Variants in SNX29 observed in about 807,000 individuals in gnomAD.
SNX29 encodes the protein sorting nexin 29.
Under a neutral mutation model 102.1 loss-of-function variants are expected in SNX29, and 78 were observed. That is an observed-to-expected ratio of 0.76 (90% CI 0.64 to 0.92). The LOEUF is 0.92. Among genes scored for constraint, SNX29 ranks in the 40% least tolerant of loss-of-function variants. The probability of loss-of-function intolerance (pLI) is 0.00; values close to 1 mark genes in which losing one functional copy is unlikely to be tolerated. For synonymous variants in SNX29, 580 were observed against 414.5 expected (o/e 1.40, Z -4.85); for missense variants, 1,280 against 1,061.7 (o/e 1.21, Z -2.86).
intron 14 of SNX29, among the ~76,000 whole-genome samples, chr16:12,219,954 A>G (rs903788798): frequency 9.2e-5 from 14 of 152,122 alleles, no homozygotes; most frequent in Non-Finnish European, 1.8e-4. Flanking sequence ...ACGTGCACGC[A>G]CACACACCCC....
intron 14 of SNX29, among the ~76,000 whole-genome samples, chr16:12,254,050 A>C (rs2078497488): frequency 6.6e-6 from 1 of 152,162 alleles, no homozygotes; most frequent in Non-Finnish European, 1.5e-5. Context: ...TGTCCTGAGC[A>C]GCCAGAAGGA....
At chr16:12,345,410 G>T (rs981147045) in intron 15 of SNX29, among the ~76,000 whole-genome samples, 1 of 152,162 alleles carries the variant, frequency 6.6e-6, no homozygotes, top group Non-Finnish European at 1.5e-5. Context: ...GGTTGTGCAG[G>T]TTGTACACTG....
At chr16:12,302,296 C>T (rs1172380253) in intron 15 of SNX29, among the ~76,000 whole-genome samples, 5 of 152,198 alleles carry the variant, frequency 3.3e-5, no homozygotes, top group African/African-American at 1.2e-4. Context: ...AAGTCAGTTT[C>T]TACAGTTACA....
intron 3 of SNX29, among the ~76,000 whole-genome samples, chr16:12,027,040 C>T (rs1243486369): frequency 6.6e-6 from 1 of 152,194 alleles, no homozygotes; most frequent in Non-Finnish European, 1.5e-5. Flanking sequence ...AGCTGGCACC[C>T]GTCCCTGTTC....
chr16:12,078,050 C>G (rs1012184180), intron 10 of SNX29, among the ~76,000 whole-genome samples: 3 of 152,198 alleles, frequency 2.0e-5, no homozygotes, highest in Non-Finnish European at 4.4e-5. Context: ...GCACTGTAAG[C>G]CATGCCTGAA....
rs149854764 is a variant in SNX29 at position 12,249,747 on chromosome 16, A to T, written c.1679-28186A>T. On this transcript the variant is annotated intron_variant, in intron 14 of 20. Coordinates refer to ENST00000566228, the MANE Select transcript of SNX29 (RefSeq NM_032167.5). ...GAATTAGGTGAATAATACATGTAAAAGTTCTTAGACTACTTCTTGGTGCAT... is the reference window on the plus strand; with the variant it reads ...GAATTAGGTGAATAATACATGTAAATGTTCTTAGACTACTTCTTGGTGCAT... Among the ~76,000 whole-genome samples, 629 of 152,294 alleles carry T rather than the reference A, an allele frequency of 4.1e-3. 3 individuals are homozygous for T. The highest frequency in any genetic ancestry group is 6.8e-3 in the Middle Eastern group (2 of 294).
rs766258033 is a variant in SNX29 at position 12,568,565 on chromosome 16, C to T, written c.2378C>T (p.Pro793Leu). Residue 793 changes from proline to leucine, a missense_variant, in exon 21 of 21, where the codon CCC becomes CTC. Transcript: ENST00000566228. The part of the protein sequence containing the change: ...NSRPKAASRF[P>L]KLSRGQPRET... ...CGGCCCAAAGCAGCTTCCCGCTTCC[C>T]CAAACTGTCCCGGGGTCAGCCCCGG... 32 of 1,608,444 alleles carry T rather than the reference C, an allele frequency of 2.0e-5. No homozygotes were observed. The highest frequency in any genetic ancestry group is 2.7e-5 in the Non-Finnish European group (32 of 1,179,856).
At chr16:12,549,934 G>T (rs189027004) in intron 20 of SNX29, among the ~76,000 whole-genome samples, 106 of 152,212 alleles carry the variant, frequency 7.0e-4, no homozygotes, top group African/African-American at 2.5e-3. Context: ...CCCTCCACCT[G>T]TTTTTTATAA....
rs1187453263 is a variant in SNX29, at chr16:12,474,433, C to G, written c.2038-3286C>G. Among the ~76,000 whole-genome samples the G allele has an allele frequency of 2.0e-5, 3 of 152,082 alleles. No homozygotes were observed. In the East Asian group the frequency reaches 5.8e-4, roughly 29 times the overall value. On this transcript the variant is annotated intron_variant, in intron 18 of 20. Coordinates refer to ENST00000566228, the MANE Select transcript of SNX29 (RefSeq NM_032167.5). ...GTCATTGGCCTAAACATGAAACATG[C>G]AGGCCTGGGATTGCGCATGTGTGTT...
intron 20 of SNX29, among the ~76,000 whole-genome samples, chr16:12,566,232 C>T: frequency 6.6e-6 from 1 of 152,230 alleles, no homozygotes; most frequent in Non-Finnish European, 1.5e-5. Flanking sequence ...TTGTCATCCC[C>T]AAATGACAGA....
chr16:12,403,192 TTGTGTGTGTATGTGTG>T (rs1451176651), intron 17 of SNX29, among the ~76,000 whole-genome samples: 2,298 of 129,674 alleles, frequency 0.018, 44 homozygotes, highest in East Asian at 0.095. Flanking sequence ...GGAGTACAGA[TTGTGTGTGTATGTGTG>T]TGTGTGTGTG....
chr16:12,012,806 CA>C (rs1555518599), intron 3 of SNX29, among the ~76,000 whole-genome samples: 7 of 152,022 alleles, frequency 4.6e-5, no homozygotes, highest in Non-Finnish European at 8.8e-5. Flanking sequence ...GGTGGAATTC[CA>C]AGGCACTGTC....
At position 12,392,464 on chromosome 16, in the gene SNX29, C is replaced by G. The variant is rs73513934; in HGVS notation, c.1900-5982C>G. 1.9e-3 allele frequency among the ~76,000 whole-genome samples: 296 copies of G among 152,342 alleles called. 2 individuals carry two copies. Among genetic ancestry groups the G allele is most frequent in the African/African-American group, 6.8e-3 (281 of 41,584 alleles). On this transcript the variant is annotated intron_variant, in intron 16 of 20. Coordinates refer to ENST00000566228, the MANE Select transcript of SNX29 (RefSeq NM_032167.5). ...CTGCTCCAGCCATTCATCCATCCAT[C>G]TGTCCATTTTTACATCTGCCTGTCT...
At chr16:12,468,082 C>G (rs979812467) in intron 18 of SNX29, among the ~76,000 whole-genome samples, 1 of 151,870 alleles carries the variant, frequency 6.6e-6, no homozygotes, top group East Asian at 1.9e-4. Flanking sequence ...CACTTGTCCC[C>G]TGTTACACGA....
chr16:12,141,189 T>G (rs923263213), intron 13 of SNX29, among the ~76,000 whole-genome samples: 1 of 152,268 alleles, frequency 6.6e-6, no homozygotes, highest in African/African-American at 2.4e-5. Flanking sequence ...TCAGTATATA[T>G]GAAAGGCATT....
chr16:12,508,117 AAG>A (rs528105707), intron 19 of SNX29, among the ~76,000 whole-genome samples: 46 of 152,272 alleles, frequency 3.0e-4, no homozygotes, highest in African/African-American at 1.1e-3. Context: ...CCTTCTTGGG[AAG>A]AGTGTTTTTG....
At chr16:12,046,165 G>T (rs1189880546) in intron 5 of SNX29, among the ~76,000 whole-genome samples, 1 of 152,142 alleles carries the variant, frequency 6.6e-6, no homozygotes, top group Non-Finnish European at 1.5e-5. Flanking sequence ...CTAAAGCTGA[G>T]GGTCGGCAGG....
rs373229129 is a variant in SNX29 at position 12,052,091 on chromosome 16, G to T, written c.993G>T (p.Leu331Phe). The T allele has an allele frequency of 1.2e-6, 2 of 1,613,938 alleles. No homozygotes were observed. Residue 331 changes from leucine (L) to phenylalanine (F), a missense_variant, in exon 8 of 21, where the codon TTG becomes TTT. Physicochemically the swap from Leu to Phe is conservative, Grantham distance 22. Coordinates refer to ENST00000566228, the MANE Select transcript of SNX29 (RefSeq NM_032167.5). ...CATGGAAAATTGATTCCCTGTCTTT[G>T]AACGGGGAGTTTGGGTACCAGAAGC... ...SNSWKIDSLS[L>F]NGEFGYQKLD...
chr16:12,523,892 T>TTG (rs372006272), intron 19 of SNX29, among the ~76,000 whole-genome samples: 84 of 152,072 alleles, frequency 5.5e-4, no homozygotes, highest in Middle Eastern at 3.4e-3. Flanking sequence ...TAGGTTTTTT[T>TTG]TGTGTGTGTG....
Sources: gnomAD v4.1 joint callset for allele counts (sites outside exome capture counted in the v4.1 genomes callset) on GRCh38, gnomAD v4.1.1 for gene constraint, MANE v1.5 for transcripts, NCBI Gene and HGNC (gene_info 2026-07-23, HGNC 2026-07-21) for gene names.